Variants in RELCH observed in about 807,000 individuals in gnomAD.
The protein encoded by RELCH is RAB11-binding protein RELCH.
A neutral mutation model predicts 150.3 loss-of-function variants in RELCH; 41 were observed. The ratio of observed to expected loss-of-function variants is 0.27; its 90% CI spans 0.21 to 0.35. The LOEUF is 0.35. RELCH is among the 10% of genes least tolerant of loss of function. RELCH has a pLI of 1.00. For missense variants in RELCH, 1,092 were observed against 1,467.8 expected (o/e 0.74, Z 4.18); for synonymous variants, 478 against 531.8 (o/e 0.90, Z 1.39).
At chr18:62,299,509 AAC>A (rs1260260746) in intron 28 of RELCH, among the ~76,000 whole-genome samples, 13 of 152,148 alleles carry the variant, frequency 8.5e-5, no homozygotes, top group Non-Finnish European at 2.9e-5. Context: ...TCAGTCTAGA[AAC>A]ACACACACAC....
intron 25 of RELCH, among the ~76,000 whole-genome samples, chr18:62,283,449 A>G (rs2044630193): frequency 6.6e-6 from 1 of 152,170 alleles, no homozygotes; most frequent in Non-Finnish European, 1.5e-5. Flanking sequence ...AAGTTGGGTC[A>G]CTTAAATCAG....
chr18:62,291,697 T>A, intron 27 of RELCH, 66 bp downstream of exon 27: 1 of 1,028,610 alleles, frequency 9.7e-7, no homozygotes, highest in Non-Finnish European at 1.5e-6. Context: ...CTTGCAGTCT[T>A]CTCTATGTGA....
At chr18:62,280,818 G>C in intron 24 of RELCH, 109 bp downstream of exon 24, 1 of 710,952 alleles carries the variant, frequency 1.4e-6, no homozygotes, top group Non-Finnish European at 2.4e-6. Flanking sequence ...TTGTGCCCTA[G>C]TTAGTTACAG....
intron 1 of RELCH, among the ~76,000 whole-genome samples, chr18:62,204,998 A>T (rs1255349438): frequency 2.0e-5 from 3 of 152,252 alleles, no homozygotes; most frequent in African/African-American, 7.2e-5. Flanking sequence ...AGTTCAAAGC[A>T]TACAGACAAG....
At position 62,308,122 on chromosome 18, in the gene RELCH, A is replaced by T. The variant is rs990637609; in HGVS notation, c.*2588A>T. 2 of 152,210 alleles carry T rather than the reference A, an allele frequency of 1.3e-5. No homozygotes were observed. The highest frequency in any genetic ancestry group is 4.8e-5 in the African/African-American group (2 of 41,452). 9.4% of individuals were successfully genotyped at this position (152,210 alleles called of 1,614,324 possible). On this transcript the variant is annotated 3_prime_UTR_variant, in exon 29 of 29. Transcript: ENST00000644646. ...GGGGGTCTCAAGTCAAGGTGCTATC[A>T]CATTCTTGTTTTTAAAAAGTTGGCT...
chr18:62,187,281 A>G lies in RELCH; in HGVS notation c.-225A>G, dbSNP rs942639463. On this transcript the variant is annotated 5_prime_UTR_variant, in exon 1 of 29. Transcript: ENST00000644646. Reference sequence around the variant, plus strand: ...GTTCTCGCGAGACTGGAGACCAGGAAGACGCCTGCAGAGCCGGGCTGCTGG... The same window carrying G: ...GTTCTCGCGAGACTGGAGACCAGGAGGACGCCTGCAGAGCCGGGCTGCTGG... The G allele has an allele frequency of 1.4e-5, 5 of 360,798 alleles. No individual in the cohort carries two copies. The highest frequency in any genetic ancestry group is 2.1e-5 in the African/African-American group (1 of 47,824). 22.3% of individuals were successfully genotyped at this position (360,798 alleles called of 1,614,324 possible).
In RELCH at chr18:62,244,776, C is replaced by A. The variant is rs1486592971; in HGVS notation, c.1633C>A (p.Leu545Ile). 3 of 1,609,848 alleles carry A rather than the reference C, an allele frequency of 1.9e-6. No homozygotes were observed. The African/African-American group carries it at 4.0e-5, about 22-fold the overall frequency. The change falls in exon 11 of 29, where the codon CTC becomes ATC. Residue 545 changes from leucine (L) to isoleucine (I), a missense_variant. Physicochemically the swap from Leu to Ile is conservative, Grantham distance 5. This residue lies in a region of RELCH where 707 missense variants were observed against 1,025.4 expected (regional missense o/e 0.69). Coordinates refer to ENST00000644646, the MANE Select transcript of RELCH (RefSeq NM_001346231.2). ...LLAKREELIP[L>I]ILCTACLHPE... ...CGTATTTCTTTAGGAGTTGATCCCC[C>A]TCATATTGTGTACAGCATGTCTACA...
intron 11 of RELCH, among the ~76,000 whole-genome samples, chr18:62,252,011 T>G (rs2042729341): frequency 6.6e-6 from 1 of 152,062 alleles, no homozygotes; most frequent in African/African-American, 2.4e-5. Flanking sequence ...TTCTTTTTTT[T>G]CTTGAGACGG....
intron 5 of RELCH, among the ~76,000 whole-genome samples, chr18:62,226,221 A>G (rs188608076): frequency 2.5e-3 from 379 of 152,208 alleles, no homozygotes; most frequent in South Asian, 4.8e-3. Context: ...ATGGTGAGAC[A>G]GTGTATTTAC....
intron 11 of RELCH, among the ~76,000 whole-genome samples, chr18:62,251,260 T>C (rs76809409): frequency 0.088 from 13,468 of 152,226 alleles, 680 homozygotes; most frequent in Middle Eastern, 0.17. Context: ...CAAAGGTCCG[T>C]TGGGGCTATA....
chr18:62,217,070 GAAA>G (rs967765840), intron 2 of RELCH, among the ~76,000 whole-genome samples: 1 of 151,700 alleles, frequency 6.6e-6, no homozygotes, highest in African/African-American at 2.4e-5. Context: ...GCTCAGAGAG[GAAA>G]AAAAGAATAC....
At chr18:62,214,944 A>G (rs1433299803) in intron 2 of RELCH, among the ~76,000 whole-genome samples, 10 of 152,106 alleles carry the variant, frequency 6.6e-5, no homozygotes, top group African/African-American at 2.4e-5. Flanking sequence ...GAGCTCTGCA[A>G]TGGCTTCAAG....
At chr18:62,227,004 A>G (rs2148406445) in intron 5 of RELCH, among the ~76,000 whole-genome samples, 1 of 152,156 alleles carries the variant, frequency 6.6e-6, no homozygotes, top group East Asian at 1.9e-4. Context: ...CCTAGGCAAC[A>G]AAGCAAGACC....
chr18:62,205,948 C>G (rs1055303351), intron 1 of RELCH, among the ~76,000 whole-genome samples: 1 of 152,020 alleles, frequency 6.6e-6, no homozygotes, highest in Non-Finnish European at 1.5e-5. Context: ...CGCTTGAGCC[C>G]AGGAAGTCGA....
intron 14 of RELCH, 138 bp from the exon 15 acceptor site, chr18:62,258,374 G>A: frequency 1.3e-6 from 1 of 778,602 alleles, no homozygotes; most frequent in Non-Finnish European, 2.0e-6. Context: ...TACATGGCAA[G>A]GCTAGGATTA....
intron 17 of RELCH, 94 bp from the exon 18 acceptor site, chr18:62,264,635 A>G (rs1600143805): frequency 2.2e-6 from 2 of 925,528 alleles, no homozygotes; most frequent in East Asian, 4.9e-5. Flanking sequence ...AACGAAATAG[A>G]ACAGGTTATT....
intron 11 of RELCH, chr18:62,246,880 A>C (rs2042441692): frequency 6.6e-6 from 1 of 152,248 alleles, no homozygotes; most frequent in Non-Finnish European, 1.5e-5. Flanking sequence ...TATCACAAAC[A>C]AAGCCAGATA....
chr18:62,197,443 T>A (rs12607649), intron 1 of RELCH, among the ~76,000 whole-genome samples: 1 of 152,178 alleles, frequency 6.6e-6, no homozygotes, highest in East Asian at 1.9e-4. Flanking sequence ...AGCTTTTAAC[T>A]GTGCTGTTCC....
chr18:62,250,131 T>C (rs1466977546), intron 11 of RELCH, among the ~76,000 whole-genome samples: 1 of 152,190 alleles, frequency 6.6e-6, no homozygotes. Flanking sequence ...TCCAATGTTG[T>C]TAATAACCTG....
Sources: allele counts gnomAD v4.1 joint callset (sites outside exome capture counted in the v4.1 genomes callset), GRCh38; gene constraint gnomAD v4.1.1; regional missense constraint gnomAD v4.1.1; transcripts MANE v1.5; gene names NCBI Gene and HGNC (gene_info 2026-07-23, HGNC 2026-07-21).